The following RHBDD2 variants were observed in gnomAD, a reference collection of about 807,000 sequenced individuals.
RHBDD2 encodes rhomboid domain-containing protein 2.
In RHBDD2, 13 loss-of-function variants were observed where a neutral mutation model predicts 21.7. The ratio of observed to expected loss-of-function variants is 0.60; its 90% CI spans 0.39 to 0.95. The LOEUF is 0.95. Ranked by LOEUF, RHBDD2 falls within the 40% of genes least tolerant of loss-of-function variation. The pLI, the probability that RHBDD2 is intolerant of heterozygous loss-of-function variation, is 0.00. For synonymous variants in RHBDD2, 225 were observed against 220.0 expected (o/e 1.02, Z -0.20); for missense variants, 473 against 478.9 (o/e 0.99, Z 0.11).
intron 3 of RHBDD2, among the ~76,000 whole-genome samples, chr7:75,887,162 T>G (rs111467025): frequency 0.22 from 31,737 of 145,604 alleles, 4,232 homozygotes; most frequent in African/African-American, 0.36. Flanking sequence ...TTTTTACACA[T>G]GGTCTTGCTC....
chr7:75,887,320 A>G (rs1266775012), intron 3 of RHBDD2, among the ~76,000 whole-genome samples: 1 of 148,606 alleles, frequency 6.7e-6, no homozygotes, highest in South Asian at 2.2e-4. Flanking sequence ...AAAAAAAAAA[A>G]ACAATTTTTT....
rs1462633479 is a variant in RHBDD2, at chr7:75,888,461, C to CT, written c.*115dup. 1.2e-6 allele frequency: 1 copy of CT among 863,858 alleles called. No homozygotes were observed. Among genetic ancestry groups the CT allele is most frequent in the Non-Finnish European group, 1.8e-6 (1 of 546,944 alleles). 53.5% of individuals were successfully genotyped at this position (863,858 alleles called of 1,614,324 possible). On this transcript the variant is annotated 3_prime_UTR_variant, in exon 4 of 4. Coordinates refer to ENST00000006777, the MANE Select transcript of RHBDD2 (RefSeq NM_001040456.3). The stretch of plus-strand genomic sequence containing the variant: ...TATGTGCCAGGCTCTGTGTTGGGTA[C>CT]TTTGATCAATGCCCCTGTTTCAGTC...
In RHBDD2 at chr7:75,888,918, C is replaced by G. The variant is rs1805874604; in HGVS notation, c.*569C>G. ...CTGCCTTTGTATAAAGAAACAGCCTCTGACCTGCCGTGCTGGCGTGTGCTT... is the reference window on the plus strand; with the variant it reads ...CTGCCTTTGTATAAAGAAACAGCCTGTGACCTGCCGTGCTGGCGTGTGCTT... On this transcript the variant is annotated 3_prime_UTR_variant, in exon 4 of 4. Transcript: ENST00000006777. 6.4e-6 allele frequency: 1 copy of G among 155,652 alleles called. No individual in the cohort carries two copies. The highest frequency in any genetic ancestry group is 2.0e-4 in the South Asian group (1 of 4,996). 9.6% of individuals were successfully genotyped at this position (155,652 alleles called of 1,614,324 possible).
intron 3 of RHBDD2, among the ~76,000 whole-genome samples, chr7:75,885,263 A>G (rs1319060823): frequency 6.6e-6 from 1 of 152,108 alleles, no homozygotes; most frequent in Non-Finnish European, 1.5e-5. Context: ...AAGCCGCCAG[A>G]GCTTGTGTGG....
At chr7:75,886,102 G>A (rs1328431753) in intron 3 of RHBDD2, among the ~76,000 whole-genome samples, 4 of 143,610 alleles carry the variant, frequency 2.8e-5, no homozygotes, top group African/African-American at 1.1e-4. Flanking sequence ...AAGGTGCTTG[G>A]TCCTTGGCCC....
chr7:75,887,233 G>A (rs1805733477), intron 3 of RHBDD2, among the ~76,000 whole-genome samples: 1 of 147,936 alleles, frequency 6.8e-6, no homozygotes, highest in Non-Finnish European at 1.5e-5. Context: ...AAACTTCTGG[G>A]TTTAAGCAGT....
At position 75,881,705 on chromosome 7, in the gene RHBDD2, G is replaced by A. The variant is rs150113538; in HGVS notation, c.179-124G>A. ...CACTGCTTGTATTGCCTCCTGCTGC[G>A]ACTCACTGGCTCTCACTTCTCTGTC... On this transcript the variant is annotated intron_variant, in intron 1 of 3. Coordinates refer to ENST00000006777, the MANE Select transcript of RHBDD2 (RefSeq NM_001040456.3). 631 of 1,061,696 alleles carry A rather than the reference G, an allele frequency of 5.9e-4. 3 individuals carry two copies. The Middle Eastern group carries it at 0.014, about 24-fold the overall frequency. 65.8% of individuals were successfully genotyped at this position (1,061,696 alleles called of 1,614,324 possible).
chr7:75,886,677 G>A (rs932621178), intron 3 of RHBDD2, among the ~76,000 whole-genome samples: 8 of 152,230 alleles, frequency 5.3e-5, no homozygotes, highest in Admixed American at 2.6e-4. Context: ...GGCCATGTGC[G>A]GTGGTGGGCA....
chr7:75,879,775 C>T (rs1805210250), intron 1 of RHBDD2, among the ~76,000 whole-genome samples: 1 of 152,218 alleles, frequency 6.6e-6, no homozygotes, highest in African/African-American at 2.4e-5. Flanking sequence ...TCATCTGTAT[C>T]TTAATCTTGA....
intron 1 of RHBDD2, among the ~76,000 whole-genome samples, chr7:75,881,045 A>C (rs192510938): frequency 8.5e-5 from 13 of 152,260 alleles, no homozygotes; most frequent in African/African-American, 3.1e-4. Context: ...TTTTAGAAAA[A>C]TAAAAGGCCA....
intron 1 of RHBDD2, chr7:75,881,511 A>G: frequency 1.5e-6 from 2 of 1,322,770 alleles, no homozygotes; most frequent in Admixed American, 2.5e-5. Flanking sequence ...AAACCTGAAA[A>G]AGGATTATAA....
At chr7:75,885,871 G>A (rs1041728850) in intron 3 of RHBDD2, among the ~76,000 whole-genome samples, 1 of 152,078 alleles carries the variant, frequency 6.6e-6, no homozygotes, top group African/African-American at 2.4e-5. Flanking sequence ...TGGGAATCAC[G>A]TTTCTTTTTT....
chr7:75,879,407 G>C, intron 1 of RHBDD2, 147 bp downstream of exon 1: 1 of 720,160 alleles, frequency 1.4e-6, no homozygotes, highest in Non-Finnish European at 2.1e-6. Context: ...CCGCCCCCCG[G>C]AGGACCGACC....
chr7:75,879,345 C>A, intron 1 of RHBDD2, 85 bp downstream of exon 1: 1 of 1,259,760 alleles, frequency 7.9e-7, no homozygotes, highest in Middle Eastern at 2.9e-4. Flanking sequence ...CGGGACTCGC[C>A]CCTTCAGGCC....
intron 2 of RHBDD2, chr7:75,883,479 C>G (rs1051753134): frequency 2.3e-5 from 9 of 397,208 alleles, no homozygotes; most frequent in African/African-American, 1.9e-4. Context: ...GATCACACCA[C>G]TGCACTCCAG....
intron 1 of RHBDD2, chr7:75,881,585 C>T (rs1264694880): frequency 5.5e-6 from 7 of 1,278,230 alleles, no homozygotes; most frequent in Non-Finnish European, 7.3e-6. Flanking sequence ...CTCTGGAAGT[C>T]AGTTACCGCT....
chr7:75,879,241 G>A lies in RHBDD2; in HGVS notation c.159G>A (p.Glu53=). 4.0e-6 allele frequency: 6 copies of A among 1,518,214 alleles called. No individual in the cohort carries two copies. Among genetic ancestry groups the A allele is most frequent in the Non-Finnish European group, 5.3e-6 (6 of 1,132,226 alleles). 94.0% of individuals were successfully genotyped at this position (1,518,214 alleles called of 1,614,324 possible). Residue 53 remains glutamate (E), a synonymous_variant, in exon 1 of 4, where the codon GAG becomes GAA. Coordinates refer to ENST00000006777, the MANE Select transcript of RHBDD2 (RefSeq NM_001040456.3). ...CCTCGGGCCTCACGCTGAAGTCCGA[G>A]GCCCTTCGCAACTGGCAAGGTGAGC... ...LAPSGLTLKS[E]ALRNWQVYRL...
chr7:75,879,066 C>T lies in RHBDD2; in HGVS notation c.-17C>T, dbSNP rs781853723. The T allele has an allele frequency of 7.0e-5, 95 of 1,365,428 alleles. 1 individual carries two copies. The East Asian group carries it at 2.9e-3, about 42-fold the overall frequency. 84.6% of individuals were successfully genotyped at this position (1,365,428 alleles called of 1,614,324 possible). ...CGGCAGCCGGCGTCGAGGCGGGGCG[C>T]GGGAACGACGGCGGCCATGGCGGCC... On this transcript the variant is annotated 5_prime_UTR_variant, in exon 1 of 4. Coordinates refer to ENST00000006777, the MANE Select transcript of RHBDD2 (RefSeq NM_001040456.3).
Position 75,888,582 on chromosome 7 carries a change from G to A in RHBDD2, c.*233G>A. The A allele has an allele frequency of 3.9e-6, 2 of 516,036 alleles. No homozygotes were observed. The highest frequency in any genetic ancestry group is 3.8e-5 in the African/African-American group (2 of 52,684). The allele number at this position is 516,036 out of a possible 1,614,324, so 32.0% of individuals were successfully genotyped here. The stretch of plus-strand genomic sequence containing the variant: ...GTTCTGCCATCAGATAAAGTCACGT[G>A]GCTCTTTAGTAACACGGACAAGGCT... On this transcript the variant is annotated 3_prime_UTR_variant, in exon 4 of 4. Transcript: ENST00000006777.
Sources: gnomAD v4.1 joint callset for allele counts (sites outside exome capture counted in the v4.1 genomes callset) on GRCh38, gnomAD v4.1.1 for gene constraint, MANE v1.5 for transcripts, NCBI Gene and HGNC (gene_info 2026-07-23, HGNC 2026-07-21) for gene names.